The following HS2ST1 variants were observed in gnomAD, a reference collection of about 807,000 sequenced individuals.
HS2ST1 encodes the protein 2-O-sulfotransferase.
Under a neutral mutation model 42.9 loss-of-function variants are expected in HS2ST1, and 18 were observed. The observed-to-expected ratio is 0.42, with a 90% CI of 0.29 to 0.62. HS2ST1 has a LOEUF of 0.62. Ranked by LOEUF, HS2ST1 falls within the 20% of genes least tolerant of loss-of-function variation. The pLI is 0.21. For missense variants in HS2ST1, 334 were observed against 433.8 expected (o/e 0.77, Z 2.04); for synonymous variants, 146 against 152.9 (o/e 0.95, Z 0.33).
intron 1 of HS2ST1, among the ~76,000 whole-genome samples, chr1:86,964,365 C>G (rs1052150973): frequency 6.6e-6 from 1 of 152,244 alleles, no homozygotes; most frequent in Non-Finnish European, 1.5e-5. Context: ...ACTGAATGAA[C>G]GAGACTCTGT....
chr1:86,947,416 A>T (rs1173112257), intron 1 of HS2ST1, among the ~76,000 whole-genome samples: 1 of 152,210 alleles, frequency 6.6e-6, no homozygotes, highest in East Asian at 1.9e-4. Context: ...TTTTAATTCC[A>T]GAAAAATATC....
chr1:86,989,416 T>G (rs1467834224), intron 1 of HS2ST1, among the ~76,000 whole-genome samples: 1 of 152,240 alleles, frequency 6.6e-6, no homozygotes, highest in Non-Finnish European at 1.5e-5. Context: ...GCCAAAAGAT[T>G]TGCAGATTCA....
chr1:86,977,184 GCTAATAATTAC>G (rs1277056880), intron 1 of HS2ST1, among the ~76,000 whole-genome samples: 1 of 151,970 alleles, frequency 6.6e-6, no homozygotes, highest in Non-Finnish European at 1.5e-5. Context: ...TTCTTTTCAG[GCTAATAATTAC>G]CTACATGATG....
At chr1:86,997,848 C>G (rs796253111) in intron 1 of HS2ST1, among the ~76,000 whole-genome samples, 1 of 152,196 alleles carries the variant, frequency 6.6e-6, no homozygotes, top group Non-Finnish European at 1.5e-5. Flanking sequence ...TTTCATCACA[C>G]TACTCAAAAT....
chr1:86,925,065 C>T (rs977182069), intron 1 of HS2ST1, among the ~76,000 whole-genome samples: 8 of 152,284 alleles, frequency 5.3e-5, no homozygotes, highest in African/African-American at 1.9e-4. Context: ...AAATTTCTTT[C>T]ACCAGAAACC....
intron 1 of HS2ST1, among the ~76,000 whole-genome samples, chr1:87,070,125 T>A (rs990054387): frequency 1.3e-5 from 2 of 152,324 alleles, no homozygotes; most frequent in Admixed American, 1.3e-4. Context: ...TAAAGGCAAT[T>A]TCACATATGT....
intron 1 of HS2ST1, among the ~76,000 whole-genome samples, chr1:87,040,267 G>C (rs1352491235): frequency 2.0e-5 from 3 of 152,048 alleles, no homozygotes; most frequent in Non-Finnish European, 2.9e-5. Flanking sequence ...TTCCATCTCT[G>C]TCTCCCCCTC....
intron 1 of HS2ST1, among the ~76,000 whole-genome samples, chr1:87,007,171 A>T (rs538151301): frequency 6.6e-6 from 1 of 152,144 alleles, no homozygotes; most frequent in Middle Eastern, 3.4e-3. Context: ...TCATTTAGAA[A>T]CTCAGATTTA....
intron 1 of HS2ST1, among the ~76,000 whole-genome samples, chr1:86,943,876 A>C (rs979693666): frequency 1.3e-5 from 2 of 152,036 alleles, no homozygotes; most frequent in African/African-American, 4.8e-5. Flanking sequence ...AAATGCAAAA[A>C]TTAGCTGGGC....
chr1:86,932,902 A>G (rs957260517), intron 1 of HS2ST1, among the ~76,000 whole-genome samples: 1 of 152,220 alleles, frequency 6.6e-6, no homozygotes, highest in Non-Finnish European at 1.5e-5. Context: ...GAAGTTATAC[A>G]TTAGAAAATA....
intron 1 of HS2ST1, among the ~76,000 whole-genome samples, chr1:86,968,548 G>A (rs1420999241): frequency 6.6e-6 from 1 of 151,652 alleles, no homozygotes; most frequent in African/African-American, 2.4e-5. Context: ...GGGACTACAG[G>A]TGTATGCCAC....
intron 1 of HS2ST1, among the ~76,000 whole-genome samples, chr1:87,051,855 T>C (rs1286845144): frequency 6.6e-6 from 1 of 152,194 alleles, no homozygotes; most frequent in Non-Finnish European, 1.5e-5. Context: ...AAAGAACATC[T>C]TTAGAATATT....
intron 1 of HS2ST1, among the ~76,000 whole-genome samples, chr1:86,950,642 G>A (rs1647486435): frequency 6.6e-6 from 1 of 152,162 alleles, no homozygotes; most frequent in Non-Finnish European, 1.5e-5. Context: ...GGAGTGAAAT[G>A]TCATGATGCT....
intron 1 of HS2ST1, among the ~76,000 whole-genome samples, chr1:86,973,381 A>G (rs1648294618): frequency 6.6e-6 from 1 of 152,130 alleles, no homozygotes; most frequent in African/African-American, 2.4e-5. Context: ...AGGGATGCGA[A>G]AATGAACAAG....
At chr1:86,915,794 A>G (rs937356988) in intron 1 of HS2ST1, among the ~76,000 whole-genome samples, 6 of 152,190 alleles carry the variant, frequency 3.9e-5, no homozygotes, top group African/African-American at 1.4e-4. Flanking sequence ...GAGTACGGAA[A>G]TGAGGGTCCG....
At chr1:86,915,448 G>A (rs1660126931) in intron 1 of HS2ST1, among the ~76,000 whole-genome samples, 1 of 152,228 alleles carries the variant, frequency 6.6e-6, no homozygotes, top group African/African-American at 2.4e-5. Context: ...GAGAGCGAGA[G>A]AGAAGACCGA....
intron 1 of HS2ST1, among the ~76,000 whole-genome samples, chr1:86,941,040 G>A (rs1370093441): frequency 6.6e-6 from 1 of 152,168 alleles, no homozygotes; most frequent in Non-Finnish European, 1.5e-5. Flanking sequence ...AGCCATCTAA[G>A]TGACATGTAG....
At chr1:87,011,337 C>G (rs1649593197) in intron 1 of HS2ST1, among the ~76,000 whole-genome samples, 1 of 152,070 alleles carries the variant, frequency 6.6e-6, no homozygotes, top group Non-Finnish European at 1.5e-5. Flanking sequence ...GCCTTGAACT[C>G]TTGGGCTCAA....
At chr1:87,053,297 G>A (rs897113006) in intron 1 of HS2ST1, among the ~76,000 whole-genome samples, 3 of 152,026 alleles carry the variant, frequency 2.0e-5, no homozygotes, top group Admixed American at 6.6e-5. Flanking sequence ...AATCTTCTTG[G>A]TATGATATTT....
Sources: gnomAD v4.1 joint callset for allele counts (sites outside exome capture counted in the v4.1 genomes callset) on GRCh38, gnomAD v4.1.1 for gene constraint, MANE v1.5 for transcripts, NCBI Gene and HGNC (gene_info 2026-07-23, HGNC 2026-07-21) for gene names.